Variants in ADRA1B observed in about 807,000 individuals in gnomAD.
The protein encoded by ADRA1B is alpha-1B adrenergic receptor.
In ADRA1B, 17 loss-of-function variants were observed where a neutral mutation model predicts 17.9. That is an observed-to-expected ratio of 0.95 (90% CI 0.65 to 1.42). The LOEUF (loss-of-function observed/expected upper bound fraction) is 1.42. Ranked by LOEUF, ADRA1B falls within the 40% of genes most tolerant of loss-of-function variation. The pLI is 0.00. For synonymous variants in ADRA1B, 366 were observed against 327.6 expected (o/e 1.12, Z -1.27); for missense variants, 681 against 722.1 (o/e 0.94, Z 0.65).
At chr5:159,945,921 G>T (rs564305760) in intron 1 of ADRA1B, among the ~76,000 whole-genome samples, 4 of 152,208 alleles carry the variant, frequency 2.6e-5, no homozygotes, top group Admixed American at 2.6e-4. Flanking sequence ...CTAATTTTTT[G>T]TATTTTTAGT....
chr5:159,899,267 G>GAAGGAAGGAAGGAAGGAAGA (rs1561585244), intron 1 of ADRA1B, among the ~76,000 whole-genome samples: 1,354 of 95,566 alleles, frequency 0.014, 8 homozygotes, highest in Non-Finnish European at 0.019. Flanking sequence ...AGGAAGAAAG[G>GAAGGAAGGAAGGAAGGAAGA]AAGGAAGGAA....
intron 1 of ADRA1B, among the ~76,000 whole-genome samples, chr5:159,968,631 C>G (rs1755815952): frequency 6.6e-6 from 1 of 152,156 alleles, no homozygotes; most frequent in Non-Finnish European, 1.5e-5. Flanking sequence ...GCTCCAGCCT[C>G]CATCCTGGGC....
At chr5:159,969,935 TAAA>T (rs573102913) in intron 1 of ADRA1B, among the ~76,000 whole-genome samples, 1 of 149,112 alleles carries the variant, frequency 6.7e-6, no homozygotes, top group African/African-American at 2.5e-5. Context: ...TGCATTTTTT[TAAA>T]AAAAAAACAC....
At chr5:159,974,235 A>T (rs1010110196), downstream of ADRA1B, among the ~76,000 whole-genome samples, 5 of 152,076 alleles carry the variant, frequency 3.3e-5, no homozygotes, top group Non-Finnish European at 5.9e-5. Context: ...TTTGTGTATT[A>T]CCCTAGTTTC....
the ADRA1B span, among the ~76,000 whole-genome samples, chr5:159,984,143 A>C: frequency 6.6e-6 from 1 of 151,552 alleles, no homozygotes; most frequent in Non-Finnish European, 1.5e-5. Flanking sequence ...CCAATCTCTA[A>C]ATGTTGAGGT....
chr5:159,972,428 C>G lies in ADRA1B; in HGVS notation c.1499C>G (p.Ala500Gly). ...AGCAACGGAGGCTGCGAGGCCGCGG[C>G]CGACGTGGCCAACGGGCAGCCGGGC... Reference protein sequence around the residue: ...GASNGGCEAAADVANGQPGFK... With the variant: ...GASNGGCEAAGDVANGQPGFK... The change falls in exon 2 of 2, where the codon GCC becomes GGC. Residue 500 changes from alanine to glycine, a missense_variant. Coordinates refer to ENST00000306675, the MANE Select transcript of ADRA1B (RefSeq NM_000679.4). 1 of 1,503,946 alleles carries G rather than the reference C, an allele frequency of 6.6e-7. No homozygotes were observed. The highest frequency in any genetic ancestry group is 8.8e-7 in the Non-Finnish European group (1 of 1,132,230). The allele number at this position is 1,503,946 out of a possible 1,614,324, so 93.2% of individuals were successfully genotyped here. A position where few individuals can be genotyped will look rare whatever the true frequency, so the allele number is the denominator to read the frequency against.
chr5:159,866,079 A>G (rs1004374918), intron 1 of ADRA1B, among the ~76,000 whole-genome samples: 1 of 152,200 alleles, frequency 6.6e-6, no homozygotes, highest in African/African-American at 2.4e-5. Flanking sequence ...TAAGAGTTCT[A>G]AAGATACGGA....
rs2113149269 is a variant in ADRA1B, at chr5:159,917,509, T to C, written c.604T>C (p.Phe202Leu). 1 of 1,614,028 alleles carries C rather than the reference T, an allele frequency of 6.2e-7. No individual in the cohort carries two copies. Among genetic ancestry groups the C allele is most frequent in the East Asian group, 2.2e-5 (1 of 44,870 alleles). Residue 202 changes from phenylalanine to leucine, a missense_variant, in exon 1 of 2, where the codon TTC (phenylalanine) becomes CTC (leucine). By Grantham distance (22) the Phe-to-Leu change is conservative (BLOSUM62 0). Transcript: ENST00000306675. ...DKECGVTEEP[F>L]YALFSSLGSF... is the part of the protein sequence containing the mutation. ...GGAGTGCGGGGTCACCGAAGAACCC[T>C]TCTATGCCCTCTTCTCCTCTCTGGG...
upstream of ADRA1B, among the ~76,000 whole-genome samples, chr5:159,912,338 C>T (rs1368626303): frequency 2.6e-5 from 4 of 152,218 alleles, no homozygotes; most frequent in African/African-American, 9.6e-5. Context: ...ACTTCACTCT[C>T]CTGACCAGGG....
intron 1 of ADRA1B, among the ~76,000 whole-genome samples, chr5:159,907,868 G>A (rs1281805192): frequency 1.3e-5 from 2 of 152,032 alleles, no homozygotes; most frequent in Non-Finnish European, 2.9e-5. Flanking sequence ...TGTTTAATAA[G>A]CTACTTCCTT....
In ADRA1B at chr5:159,879,861, T is replaced by C. The variant is rs372174726; in HGVS notation, c.-256+14655T>C. Among the ~76,000 whole-genome samples, 180 of 152,178 alleles carry C rather than the reference T, an allele frequency of 1.2e-3. 2 individuals are homozygous for C. The highest frequency in any genetic ancestry group is 3.3e-3 in the South Asian group (16 of 4,818). Reference sequence around the variant, plus strand: ...AAATACAAAAATTAGCTGGGCGTGGTGGCGGGCGCCTGTAATCCCACCTAC... The same window carrying C: ...AAATACAAAAATTAGCTGGGCGTGGCGGCGGGCGCCTGTAATCCCACCTAC... On this transcript the variant is annotated intron_variant, in intron 1 of 2. Transcript: ENST00000641205.
At chr5:159,884,493 T>C (rs777591787) in intron 1 of ADRA1B, among the ~76,000 whole-genome samples, 2 of 152,192 alleles carry the variant, frequency 1.3e-5, no homozygotes, top group Non-Finnish European at 2.9e-5. Context: ...CACCATGAGA[T>C]AATACAACAA....
At chr5:159,963,306 A>ATATATATATATATATATATATCTATC (rs1561610064) in intron 1 of ADRA1B, among the ~76,000 whole-genome samples, 1 of 150,078 alleles carries the variant, frequency 6.7e-6, no homozygotes, top group African/African-American at 2.5e-5. Context: ...ATATATATAT[A>ATATATATATATATATATATATCTATC]TATCCACACA....
At position 159,972,536 on chromosome 5, in the gene ADRA1B, TGGGGGGGAGGGGAGGGCGGGGCGGA is replaced by T; in HGVS notation, c.*51_*75del. The T allele has an allele frequency of 3.4e-5, 1 of 29,242 alleles. No homozygotes were observed. Among genetic ancestry groups the T allele is most frequent in the Non-Finnish European group, 5.4e-5 (1 of 18,652 alleles). The allele number at this position is 29,242 out of a possible 1,614,324, so 1.8% of individuals were successfully genotyped here. ...TCTTTCCCTGGGGAGGAAAACATCG[TGGGGGGGAGGGGAGGGCGGGGCGGA>T]GGGGGGAGGGGAGCGTCCACGCCGG... On this transcript the variant is annotated 3_prime_UTR_variant, in exon 2 of 2. Transcript: ENST00000306675.
intron 1 of ADRA1B, among the ~76,000 whole-genome samples, chr5:159,955,479 G>A (rs1053923711): frequency 1.3e-5 from 2 of 152,186 alleles, no homozygotes; most frequent in Non-Finnish European, 1.5e-5. Context: ...ACTGCATGGA[G>A]CCTAATGGTC....
chr5:159,966,203 TC>T (rs1755773639), intron 1 of ADRA1B, among the ~76,000 whole-genome samples: 2 of 152,246 alleles, frequency 1.3e-5, no homozygotes, highest in South Asian at 4.1e-4. Context: ...CAAATATGTT[TC>T]CTAAAATTAG....
downstream of ADRA1B, among the ~76,000 whole-genome samples, chr5:159,976,622 C>T (rs1005645034): frequency 2.7e-5 from 4 of 150,248 alleles, no homozygotes; most frequent in Admixed American, 2.6e-4. Flanking sequence ...GCCAAGATAA[C>T]TCCCAGAACG....
At chr5:159,951,588 C>G (rs542085171) in intron 1 of ADRA1B, 1 of 468,680 alleles carries the variant, frequency 2.1e-6, no homozygotes, top group East Asian at 4.6e-5. Flanking sequence ...GAGAATTTAG[C>G]ACGGTCTGGA....
At chr5:159,924,143 T>C (rs1333543493) in intron 1 of ADRA1B, among the ~76,000 whole-genome samples, 1 of 152,242 alleles carries the variant, frequency 6.6e-6, no homozygotes, top group Non-Finnish European at 1.5e-5. Flanking sequence ...GTTAGGAAAA[T>C]GCTGTGTTCT....
Sources: allele counts gnomAD v4.1 joint callset (sites outside exome capture counted in the v4.1 genomes callset), GRCh38; gene constraint gnomAD v4.1.1; transcripts MANE v1.5; gene names NCBI Gene and HGNC (gene_info 2026-07-23, HGNC 2026-07-21).